The following SATB2 variants were observed in gnomAD, a reference collection of about 807,000 sequenced individuals.
SATB2 encodes SATB homeobox 2.
Under a neutral mutation model 73.4 loss-of-function variants are expected in SATB2, and 1 was observed. That is an observed-to-expected ratio of 0.01 (90% CI 0.00 to 0.06). The LOEUF is 0.06. Ranked by LOEUF, SATB2 falls within the 10% of genes least tolerant of loss-of-function variation. The pLI is 1.00. For missense variants in SATB2, 459 were observed against 945.8 expected, an observed-to-expected ratio of 0.49 and a Z score of 6.75; for synonymous variants, 397 against 367.0, an observed-to-expected ratio of 1.08 and a Z score of -0.93.
chr2:199,453,716 T>A (rs1438342040), intron 2 of SATB2, among the ~76,000 whole-genome samples: 1 of 152,072 alleles, frequency 6.6e-6, no homozygotes, highest in Non-Finnish European at 1.5e-5. Flanking sequence ...ATAATTTTGT[T>A]AACATTCAAT....
chr2:199,297,506 C>G (rs915445903), intron 10 of SATB2, among the ~76,000 whole-genome samples: 37 of 152,324 alleles, frequency 2.4e-4, no homozygotes, highest in African/African-American at 8.7e-4. Flanking sequence ...TGCATCTTCA[C>G]TCTACTTGTC....
At chr2:199,285,852 G>A (rs1242400957) in intron 10 of SATB2, among the ~76,000 whole-genome samples, 4 of 140,242 alleles carry the variant, frequency 2.9e-5, no homozygotes, top group African/African-American at 1.0e-4. Context: ...GGAAATATGT[G>A]TTCAATTTCA....
At chr2:199,302,021 C>G (rs1687302174) in intron 10 of SATB2, among the ~76,000 whole-genome samples, 1 of 152,164 alleles carries the variant, frequency 6.6e-6, no homozygotes, top group Non-Finnish European at 1.5e-5. Flanking sequence ...TCCTCAATTT[C>G]TTTTAATACA....
At chr2:199,370,200 T>C (rs1161105826) in intron 5 of SATB2, among the ~76,000 whole-genome samples, 1 of 152,072 alleles carries the variant, frequency 6.6e-6, no homozygotes, top group Non-Finnish European at 1.5e-5. Flanking sequence ...AGATTCACTC[T>C]GTTCCTAGAC....
At chr2:199,325,586 C>T (rs902056851) in intron 8 of SATB2, 3 of 152,106 alleles carry the variant, frequency 2.0e-5, no homozygotes, top group African/African-American at 7.2e-5. Flanking sequence ...CAGTGCTTTC[C>T]CTGTTAAGAG....
At chr2:199,344,030 A>G (rs1167081311) in intron 7 of SATB2, among the ~76,000 whole-genome samples, 1 of 152,170 alleles carries the variant, frequency 6.6e-6, no homozygotes, top group African/African-American at 2.4e-5. Flanking sequence ...TCTCGCCAAT[A>G]TGGTCTGTCT....
chr2:199,320,043 AG>A (rs1183042502), intron 9 of SATB2, among the ~76,000 whole-genome samples: 6 of 152,038 alleles, frequency 3.9e-5, no homozygotes, highest in Non-Finnish European at 7.4e-5. Flanking sequence ...TTGGGAAGAA[AG>A]GGGGAAAGCG....
intron 2 of SATB2, among the ~76,000 whole-genome samples, chr2:199,450,735 T>A (rs1182808074): frequency 6.6e-6 from 1 of 152,038 alleles, no homozygotes; most frequent in Non-Finnish European, 1.5e-5. Context: ...AAATACTTTT[T>A]AAAAAGAAAG....
At chr2:199,386,104 T>A (rs1423625223) in intron 3 of SATB2, among the ~76,000 whole-genome samples, 1 of 152,144 alleles carries the variant, frequency 6.6e-6, no homozygotes, top group Non-Finnish European at 1.5e-5. Context: ...TTTATACAAG[T>A]TGAGTATTCC....
chr2:199,408,875 T>C (rs1189466542), intron 3 of SATB2, among the ~76,000 whole-genome samples: 1 of 152,160 alleles, frequency 6.6e-6, no homozygotes, highest in African/African-American at 2.4e-5. Flanking sequence ...AGTAGCTAAG[T>C]GAAGGCTGGA....
intron 5 of SATB2, among the ~76,000 whole-genome samples, chr2:199,374,160 C>T (rs1273549498): frequency 1.3e-5 from 2 of 152,204 alleles, no homozygotes; most frequent in African/African-American, 4.8e-5. Context: ...ACCATTGTCA[C>T]ACCGGAAATC....
chr2:199,343,872 G>T (rs535218549), intron 7 of SATB2, among the ~76,000 whole-genome samples: 1 of 152,230 alleles, frequency 6.6e-6, no homozygotes, highest in Non-Finnish European at 1.5e-5. Flanking sequence ...AATAAAATGT[G>T]TTTCATGCTT....
chr2:199,340,836 C>T (rs1443205553), intron 7 of SATB2, among the ~76,000 whole-genome samples: 1 of 152,130 alleles, frequency 6.6e-6, no homozygotes, highest in Admixed American at 6.6e-5. Flanking sequence ...TAGTTTGGAT[C>T]AAAGCTTCCT....
chr2:199,425,096 A>T (rs1691287488), intron 3 of SATB2, among the ~76,000 whole-genome samples: 1 of 152,254 alleles, frequency 6.6e-6, no homozygotes, highest in Non-Finnish European at 1.5e-5. Flanking sequence ...CAGAACAAAA[A>T]ATTAAACATG....
chr2:199,414,473 T>C (rs1472859329), intron 3 of SATB2, among the ~76,000 whole-genome samples: 1 of 152,198 alleles, frequency 6.6e-6, no homozygotes, highest in Non-Finnish European at 1.5e-5. Flanking sequence ...TAGTCACTTA[T>C]TAAATTGAAT....
chr2:199,337,297 A>T lies in SATB2; in HGVS notation c.1174-8387T>A, dbSNP rs559358220. On this transcript the variant is annotated intron_variant, in intron 7 of 10. Coordinates refer to ENST00000417098, the MANE Select transcript of SATB2 (RefSeq NM_001172509.2). ...AACACTAAATTAAAATATTCAATTT[A>T]TACTTCAGAAAAGTAAAACAACTTT... 3.9e-5 allele frequency among the ~76,000 whole-genome samples: 6 copies of T among 152,352 alleles called. No homozygotes were observed. The East Asian group carries it at 1.2e-3, about 29-fold the overall frequency.
chr2:199,374,866 A>C (rs1297885334), intron 5 of SATB2, among the ~76,000 whole-genome samples: 1 of 151,540 alleles, frequency 6.6e-6, no homozygotes, highest in Admixed American at 6.6e-5. Context: ...TGGGAGGCTG[A>C]GCGGGGAGAA....
At chr2:199,333,751 G>A (rs1688258444) in intron 7 of SATB2, among the ~76,000 whole-genome samples, 1 of 152,198 alleles carries the variant, frequency 6.6e-6, no homozygotes, top group Non-Finnish European at 1.5e-5. Flanking sequence ...CAGCCTTTTT[G>A]TCACCTGCAA....
chr2:199,288,617 C>G (rs1374153657), intron 10 of SATB2, among the ~76,000 whole-genome samples: 1 of 152,116 alleles, frequency 6.6e-6, no homozygotes, highest in East Asian at 1.9e-4. Flanking sequence ...AAAATACTAC[C>G]TCAGCATATT....
Sources: gnomAD v4.1 joint callset for allele counts (sites outside exome capture counted in the v4.1 genomes callset) on GRCh38, gnomAD v4.1.1 for gene constraint, MANE v1.5 for transcripts, NCBI Gene and HGNC (gene_info 2026-07-23, HGNC 2026-07-21) for gene names.